Variants in KLHL13 observed in about 807,000 individuals in gnomAD.
KLHL13 encodes the protein kelch like family member 13.
KLHL13 carries 10 observed loss-of-function variants against 37.1 expected under a neutral mutation model. The ratio of observed to expected loss-of-function variants is 0.27; its 90% CI spans 0.17 to 0.46. The LOEUF (loss-of-function observed/expected upper bound fraction) is 0.46, where lower values mean the gene tolerates loss of function less well. KLHL13 is among the 20% of genes least tolerant of loss of function. The pLI, the probability that KLHL13 is intolerant of heterozygous loss-of-function variation, is 1.00. For synonymous variants in KLHL13, 163 were observed against 181.2 expected (o/e 0.90, Z 0.81); for missense variants, 360 against 509.3 (o/e 0.71, Z 2.82).
intron 1 of KLHL13, among the ~76,000 whole-genome samples, chrX:118,031,152 C>A (rs993651640): frequency 9.1e-6 from 1 of 110,404 alleles, no homozygotes; most frequent in African/African-American, 3.3e-5. Flanking sequence ...ACCTCCAAGT[C>A]TTAAAATATT....
At chrX:117,926,054 T>C (rs929965666) in intron 2 of KLHL13, among the ~76,000 whole-genome samples, 1 of 112,175 alleles carries the variant, frequency 8.9e-6, no homozygotes, top group Non-Finnish European at 1.9e-5. Context: ...CATTTTTAGT[T>C]TGGATTTCAC....
chrX:117,972,797 G>A, exon 1 of KLHL13: 1 of 1,211,433 alleles, frequency 8.3e-7, no homozygotes, highest in Non-Finnish European at 1.1e-6. Context: ...TTTCCAGATA[G>A]CAGGAGAGCT....
chrX:118,104,092 T>C (rs1009839419), intron 1 of KLHL13, among the ~76,000 whole-genome samples: 48 of 103,660 alleles, frequency 4.6e-4, no homozygotes, highest in Non-Finnish European at 7.8e-5. Flanking sequence ...CATGGTGATG[T>C]GCGCCTGTGT....
At chrX:117,958,050 C>T (rs1188661031) in intron 1 of KLHL13, among the ~76,000 whole-genome samples, 1 of 111,416 alleles carries the variant, frequency 9.0e-6, no homozygotes, top group African/African-American at 3.3e-5. Flanking sequence ...CATGGTATTT[C>T]TCAGCAACAA....
intron 1 of KLHL13, among the ~76,000 whole-genome samples, chrX:117,992,487 T>C (rs2053805555): frequency 9.0e-6 from 1 of 111,421 alleles, no homozygotes; most frequent in Non-Finnish European, 1.9e-5. Flanking sequence ...ACACACCCTG[T>C]TTATAGGTTA....
rs180870960 is a variant in KLHL13 at position 117,944,030 on chromosome X, G to A, written c.240+1404C>T. ...CGGTTTCTGTGTGGATGCCATTTTT[G>A]TTGTTCTTGATGCTATTCCTTTCTT... On this transcript the variant is annotated intron_variant, in intron 2 of 6. Coordinates refer to ENST00000262820, the Ensembl canonical transcript of KLHL13. Among the ~76,000 whole-genome samples, 8 of 110,972 alleles carry A rather than the reference G, an allele frequency of 7.2e-5. No homozygotes were observed. The East Asian group carries it at 2.0e-3, about 28-fold the overall frequency.
chrX:117,971,498 AT>A (rs375993032), intron 1 of KLHL13, among the ~76,000 whole-genome samples: 20,136 of 105,411 alleles, frequency 0.19, 2,778 homozygotes, highest in African/African-American at 0.48. Context: ...AAACTAGCCT[AT>A]TTTTTTTTTT....
intron 1 of KLHL13, among the ~76,000 whole-genome samples, chrX:118,103,910 A>G (rs2055316495): frequency 9.1e-6 from 1 of 109,582 alleles, no homozygotes; most frequent in African/African-American, 3.3e-5. Flanking sequence ...CATGGAATAC[A>G]TTTTATAAGA....
chrX:118,023,405 C>CT (rs761606715), intron 1 of KLHL13, among the ~76,000 whole-genome samples: 2 of 110,157 alleles, frequency 1.8e-5, no homozygotes, highest in Non-Finnish European at 3.8e-5. Context: ...TTTAAGGGCT[C>CT]TTTTCTATTC....
intron 1 of KLHL13, among the ~76,000 whole-genome samples, chrX:118,099,075 G>A (rs1003221933): frequency 1.1e-4 from 12 of 108,974 alleles, no homozygotes; most frequent in African/African-American, 3.3e-4. Context: ...AAACCTGCAC[G>A]TTGTGCACAT....
At chrX:118,047,636 A>C (rs757524968) in intron 1 of KLHL13, among the ~76,000 whole-genome samples, 1 of 112,177 alleles carries the variant, frequency 8.9e-6, no homozygotes, top group Non-Finnish European at 1.9e-5. Flanking sequence ...CATAATAGAA[A>C]CAGGAAACAA....
chrX:117,930,290 A>AGGC (rs1395702430), intron 2 of KLHL13, among the ~76,000 whole-genome samples: 27 of 77,972 alleles, frequency 3.5e-4, no homozygotes, highest in African/African-American at 1.4e-3. Flanking sequence ...GGAAGGAAGG[A>AGGC]AGGCAGGCAG....
chrX:117,924,259 C>A lies in KLHL13; in HGVS notation c.241-3889G>T, dbSNP rs6645418. On this transcript the variant is annotated intron_variant, in intron 2 of 6. Transcript: ENST00000262820. Reference sequence around the variant, plus strand: ...AAGAGAAGCTCCTTCTGACTATACACATTGTTGTGTACAAGAAGGCAGTCA... The same window carrying A: ...AAGAGAAGCTCCTTCTGACTATACAAATTGTTGTGTACAAGAAGGCAGTCA... Among the ~76,000 whole-genome samples, 651 of 112,120 alleles carry A rather than the reference C, an allele frequency of 5.8e-3. 5 individuals are homozygous for A. The highest frequency in any genetic ancestry group is 0.018 in the African/African-American group (560 of 30,922).
chrX:118,112,503 A>T (rs946965049), intron 1 of KLHL13, among the ~76,000 whole-genome samples: 1 of 112,047 alleles, frequency 8.9e-6, no homozygotes, highest in Non-Finnish European at 1.9e-5. Flanking sequence ...AAGGCATGGC[A>T]TCCATTTGAC....
chrX:118,090,546 A>T (rs777674297), intron 1 of KLHL13, among the ~76,000 whole-genome samples: 2 of 111,906 alleles, frequency 1.8e-5, no homozygotes, highest in Non-Finnish European at 3.8e-5. Flanking sequence ...ATCACTGGCC[A>T]TCAGAGAAAT....
chrX:118,089,045 G>A (rs1480283747), intron 1 of KLHL13, among the ~76,000 whole-genome samples: 3 of 111,507 alleles, frequency 2.7e-5, no homozygotes, highest in East Asian at 5.6e-4. Context: ...CAGAAAAAGG[G>A]CAGAATATTA....
chrX:117,945,383 G>C (rs368062193), intron 2 of KLHL13, 51 bp downstream of exon 3: 74 of 1,144,353 alleles, frequency 6.5e-5, no homozygotes, highest in Middle Eastern at 4.8e-4. Context: ...AAAATCCATG[G>C]TGGGTTTTTT....
chrX:117,929,202 G>A (rs1194417569), intron 2 of KLHL13, among the ~76,000 whole-genome samples: 20 of 111,607 alleles, frequency 1.8e-4, no homozygotes, highest in Non-Finnish European at 7.5e-5. Context: ...GTTTCCCCAA[G>A]GAAAACTCTA....
At chrX:118,034,133 T>A (rs1385397546) in intron 1 of KLHL13, among the ~76,000 whole-genome samples, 7 of 97,819 alleles carry the variant, frequency 7.2e-5, no homozygotes, top group East Asian at 5.9e-4. Context: ...CTCCCACACA[T>A]TAATAATGGG....
Sources: allele counts gnomAD v4.1 joint callset (sites outside exome capture counted in the v4.1 genomes callset), GRCh38; gene constraint gnomAD v4.1.1; transcripts MANE v1.5; gene names NCBI Gene and HGNC (gene_info 2026-07-23, HGNC 2026-07-21).